The following RIC3 variants were observed in gnomAD, a reference collection of about 807,000 sequenced individuals.
The protein encoded by RIC3 is RIC3 acetylcholine receptor chaperone.
In RIC3, 28 loss-of-function variants were observed where a neutral mutation model predicts 27.3. The ratio of observed to expected loss-of-function variants is 1.02; its 90% CI spans 0.76 to 1.41. The LOEUF is 1.41. Among genes scored for constraint, RIC3 ranks in the 40% most tolerant of loss-of-function variants. RIC3 has a pLI of 0.00. For synonymous variants in RIC3, 184 were observed against 160.4 expected (o/e 1.15, Z -1.11); for missense variants, 501 against 444.7 (o/e 1.13, Z -1.14).
chr11:8,162,051 G>A (rs1046049119), intron 1 of RIC3, among the ~76,000 whole-genome samples: 3 of 150,944 alleles, frequency 2.0e-5, no homozygotes, highest in African/African-American at 2.4e-5. Context: ...CACTTTCTCC[G>A]GGCAATGGAA....
At chr11:8,158,143 T>C (rs866901247) in intron 1 of RIC3, among the ~76,000 whole-genome samples, 10 of 152,222 alleles carry the variant, frequency 6.6e-5, no homozygotes, top group African/African-American at 2.4e-4. Flanking sequence ...ATGTCATACA[T>C]GTATATGTGT....
chr11:8,097,868 G>A, the RIC3 span: 1 of 1,488,678 alleles, frequency 6.7e-7, no homozygotes, highest in Non-Finnish European at 9.3e-7. Context: ...GTGGGAGGGA[G>A]GGGCAGGGGC....
chr11:8,155,336 G>A (rs1353323941), intron 1 of RIC3, among the ~76,000 whole-genome samples: 1 of 152,100 alleles, frequency 6.6e-6, no homozygotes, highest in Non-Finnish European at 1.5e-5. Context: ...AGCACTTTGG[G>A]AGGCCAAGGC....
At chr11:8,094,027 G>A in the RIC3 span, 1 of 1,614,112 alleles carries the variant, frequency 6.2e-7, no homozygotes, top group Non-Finnish European at 8.5e-7. Flanking sequence ...CTCTCCATCT[G>A]GGGATGTTTC....
rs139005159 is a variant in RIC3 at position 8,162,379 on chromosome 11, G to A, written c.124+6487C>T. 3.0e-3 allele frequency among the ~76,000 whole-genome samples: 457 copies of A among 152,346 alleles called. 3 individuals are homozygous for A. The highest frequency in any genetic ancestry group is 0.01 in the African/African-American group (424 of 41,582). On this transcript the variant is annotated intron_variant, in intron 1 of 5. Transcript: ENST00000309737. ...GATGCTCATGATGTCTCAACTGGAT[G>A]ACTACAACAATCTTCTCCCTGAAGA...
At chr11:8,095,405 C>G in the RIC3 span, 3 of 1,359,062 alleles carry the variant, frequency 2.2e-6, no homozygotes, top group South Asian at 3.0e-5. Context: ...GAGGGTTTCC[C>G]CACTCTTCCC....
At chr11:8,136,046 A>G (rs1948366071) in intron 4 of RIC3, among the ~76,000 whole-genome samples, 1 of 152,220 alleles carries the variant, frequency 6.6e-6, no homozygotes, top group South Asian at 2.1e-4. Flanking sequence ...TTTGGGGAAC[A>G]TTCCAGATAG....
chr11:8,157,107 A>G (rs1950729563), intron 1 of RIC3, among the ~76,000 whole-genome samples: 1 of 152,194 alleles, frequency 6.6e-6, no homozygotes, highest in African/African-American at 2.4e-5. Flanking sequence ...CAGAACACCA[A>G]CATTAGACAA....
In RIC3 at chr11:8,145,453, T is replaced by C. The variant is rs536401067; in HGVS notation, c.125-5260A>G. 1.7e-4 allele frequency among the ~76,000 whole-genome samples: 26 copies of C among 152,318 alleles called. No homozygotes were observed. In the South Asian group the frequency reaches 4.1e-3, roughly 24 times the overall value. ...CCCCAGCCCCTCAATTTGCATGTTC[T>C]TCAACAGGCTAGCTGAGACATCCTA... On this transcript the variant is annotated intron_variant, in intron 1 of 5. Coordinates refer to ENST00000309737, the MANE Select transcript of RIC3 (RefSeq NM_001206671.4).
At chr11:8,132,119 C>T (rs1286442296) in intron 4 of RIC3, among the ~76,000 whole-genome samples, 1 of 152,118 alleles carries the variant, frequency 6.6e-6, no homozygotes, top group African/African-American at 2.4e-5. Context: ...CCCTGCTTTT[C>T]TCATGGACTG....
At chr11:8,151,594 A>G in intron 1 of RIC3, among the ~76,000 whole-genome samples, 1 of 145,890 alleles carries the variant, frequency 6.9e-6, no homozygotes, top group Non-Finnish European at 1.5e-5. Flanking sequence ...TCAAAAAAAA[A>G]AAAAAGACAA....
At chr11:8,093,940 C>T in the RIC3 span, 172 of 1,358,842 alleles carry the variant, frequency 1.3e-4, 1 homozygote, top group African/African-American at 2.0e-3. Context: ...TGGTGGGACT[C>T]GGGGTGCAGT....
downstream of RIC3, chr11:8,103,502 T>G (rs911955118): frequency 6.6e-6 from 1 of 152,660 alleles, no homozygotes; most frequent in African/African-American, 2.4e-5. Context: ...TAGATTTTCC[T>G]ATGTTGAATG....
At chr11:8,100,807 G>A in the RIC3 span, 65 of 1,612,810 alleles carry the variant, frequency 4.0e-5, no homozygotes, top group Non-Finnish European at 5.4e-5. Flanking sequence ...GCCTGGCTCA[G>A]GTGAGGCTGC....
chr11:8,101,683 G>A (rs1045148821), downstream of RIC3: 68 of 1,585,620 alleles, frequency 4.3e-5, no homozygotes, highest in Non-Finnish European at 5.1e-5. Context: ...TGCCTGTGGA[G>A]ACAGCCCTGC....
chr11:8,122,245 C>A (rs1045726791), intron 5 of RIC3, among the ~76,000 whole-genome samples: 2 of 152,150 alleles, frequency 1.3e-5, no homozygotes, highest in Non-Finnish European at 2.9e-5. Flanking sequence ...CTCACTCTTC[C>A]CTACTCCTAT....
intron 1 of RIC3, among the ~76,000 whole-genome samples, chr11:8,149,570 T>C (rs1950038218): frequency 6.6e-6 from 1 of 152,142 alleles, no homozygotes; most frequent in South Asian, 2.1e-4. Flanking sequence ...AAAAGGCTAT[T>C]ACAGTAACTT....
chr11:8,147,166 T>G (rs776863520), intron 1 of RIC3, among the ~76,000 whole-genome samples: 2 of 152,202 alleles, frequency 1.3e-5, no homozygotes, highest in Non-Finnish European at 2.9e-5. Context: ...TCTTCCTGCC[T>G]TTGCTTTAAG....
chr11:8,129,068 C>T (rs1452096044), intron 4 of RIC3, among the ~76,000 whole-genome samples: 1 of 151,860 alleles, frequency 6.6e-6, no homozygotes, highest in African/African-American at 2.4e-5. Flanking sequence ...ACTTTTACTC[C>T]TAAGTGATTT....
Sources: allele counts gnomAD v4.1 joint callset (sites outside exome capture counted in the v4.1 genomes callset), GRCh38; gene constraint gnomAD v4.1.1; transcripts MANE v1.5; gene names NCBI Gene and HGNC (gene_info 2026-07-23, HGNC 2026-07-21).